PLXDC2: variants seen among roughly 807,000 people sequenced by gnomAD.
The protein encoded by PLXDC2 is plexin domain-containing protein 2.
A neutral mutation model predicts 68.9 loss-of-function variants in PLXDC2; 40 were observed. The observed-to-expected ratio is 0.58, with a 90% CI of 0.45 to 0.76. The LOEUF (loss-of-function observed/expected upper bound fraction) is 0.76. PLXDC2 is among the 30% of genes least tolerant of loss of function. The pLI is 0.00. For synonymous variants in PLXDC2, 243 were observed against 234.2 expected (o/e 1.04, Z -0.34); for missense variants, 644 against 661.9 (o/e 0.97, Z 0.30).
intron 4 of PLXDC2, among the ~76,000 whole-genome samples, chr10:20,107,892 A>G (rs1203029098): frequency 1.3e-5 from 2 of 152,194 alleles, no homozygotes; most frequent in East Asian, 3.8e-4. Flanking sequence ...GGAAAAATTA[A>G]CAAATAAACC....
chr10:19,863,826 TTTTTAA>T (rs201050835), intron 1 of PLXDC2, among the ~76,000 whole-genome samples: 6,724 of 151,568 alleles, frequency 0.044, 189 homozygotes, highest in Middle Eastern at 0.11. Flanking sequence ...ATTCAAAAAT[TTTTTAA>T]TATCAGAGGG....
chr10:20,142,438 A>G (rs1344929889), intron 4 of PLXDC2, among the ~76,000 whole-genome samples: 2 of 152,084 alleles, frequency 1.3e-5, no homozygotes, highest in Non-Finnish European at 2.9e-5. Flanking sequence ...TCAGACAGCT[A>G]AAGACCTTGA....
chr10:20,068,522 G>C (rs1215639105), intron 4 of PLXDC2, among the ~76,000 whole-genome samples: 2 of 151,026 alleles, frequency 1.3e-5, no homozygotes, highest in Non-Finnish European at 3.0e-5. Flanking sequence ...CCAAATGGCA[G>C]AAATTGGAAT....
intron 1 of PLXDC2, among the ~76,000 whole-genome samples, chr10:19,944,849 G>A (rs543148857): frequency 1.1e-3 from 171 of 152,330 alleles, no homozygotes; most frequent in Admixed American, 2.6e-3. Context: ...CCACTCGGGA[G>A]GCTGAGGCAG....
At position 20,274,662 on chromosome 10, in the gene PLXDC2, A is replaced by T. The variant is rs116393903; in HGVS notation, c.1474-5041A>T. Among the ~76,000 whole-genome samples, 1,386 of 152,200 alleles carry T rather than the reference A, an allele frequency of 9.1e-3. 16 individuals are homozygous for T. The highest frequency in any genetic ancestry group is 0.032 in the African/African-American group (1,318 of 41,520). On this transcript the variant is annotated intron_variant, in intron 13 of 13. Coordinates refer to ENST00000377252, the MANE Select transcript of PLXDC2 (RefSeq NM_032812.9). ...GCTCCTGCTTGGAATTCTCAACCAC[A>T]CCAGAAGACCAACAGATCAATTTGA...
At chr10:20,258,623 T>A (rs1835772463) in intron 13 of PLXDC2, among the ~76,000 whole-genome samples, 1 of 152,156 alleles carries the variant, frequency 6.6e-6, no homozygotes, top group South Asian at 2.1e-4. Flanking sequence ...TAGCAAAGAC[T>A]TTGTTTAAGT....
chr10:20,203,346 A>C (rs1354560466), intron 9 of PLXDC2, among the ~76,000 whole-genome samples: 1 of 149,900 alleles, frequency 6.7e-6, no homozygotes, highest in Non-Finnish European at 1.5e-5. Flanking sequence ...GCTGGGGTGC[A>C]GTGGTATGAT....
intron 2 of PLXDC2, among the ~76,000 whole-genome samples, chr10:20,040,085 T>G (rs930714306): frequency 6.6e-6 from 1 of 152,130 alleles, no homozygotes; most frequent in African/African-American, 2.4e-5. Flanking sequence ...GTGCGCCCCT[T>G]CCTCATTAAC....
At chr10:20,125,635 A>G (rs11011813) in intron 4 of PLXDC2, among the ~76,000 whole-genome samples, 38,336 of 152,114 alleles carry the variant, frequency 0.25, 5,485 homozygotes, top group East Asian at 0.49. Flanking sequence ...CAATGCAGCT[A>G]TAGAGAGAGC....
intron 7 of PLXDC2, among the ~76,000 whole-genome samples, chr10:20,169,597 T>C (rs1247193904): frequency 3.3e-5 from 5 of 152,160 alleles, no homozygotes; most frequent in Admixed American, 3.3e-4. Context: ...ACATTTTGAA[T>C]TTCAATCATC....
Position 19,921,241 on chromosome 10 carries a change from A to T in PLXDC2, c.113-80534A>T, listed in dbSNP as rs73601650. ...AGGACTTTGGTTTCATAATTTTAAA[A>T]GTATCACTTAGAATGTGACCTACAA... On this transcript the variant is annotated intron_variant, in intron 1 of 13. Coordinates refer to ENST00000377252, the MANE Select transcript of PLXDC2 (RefSeq NM_032812.9). Among the ~76,000 whole-genome samples, 762 of 152,270 alleles carry T rather than the reference A, an allele frequency of 5.0e-3. 3 individuals are homozygous for T. Among genetic ancestry groups the T allele is most frequent in the African/African-American group, 0.017 (720 of 41,564 alleles).
At chr10:20,007,429 A>G (rs1835044447) in intron 2 of PLXDC2, among the ~76,000 whole-genome samples, 1 of 152,198 alleles carries the variant, frequency 6.6e-6, no homozygotes, top group African/African-American at 2.4e-5. Flanking sequence ...GGTTTTGAAC[A>G]CTTATTCACA....
At chr10:20,154,700 C>T (rs1214572131) in intron 6 of PLXDC2, among the ~76,000 whole-genome samples, 3 of 151,982 alleles carry the variant, frequency 2.0e-5, no homozygotes, top group East Asian at 1.9e-4. Context: ...TCTCTATTCT[C>T]TTGATATACT....
intron 2 of PLXDC2, among the ~76,000 whole-genome samples, chr10:20,013,812 C>A (rs989094809): frequency 1.6e-4 from 25 of 152,146 alleles, no homozygotes; most frequent in African/African-American, 6.0e-4. Flanking sequence ...AATGACTTAT[C>A]TTCCTCTGTC....
intron 2 of PLXDC2, among the ~76,000 whole-genome samples, chr10:20,038,881 A>G (rs1033628790): frequency 5.9e-5 from 9 of 152,158 alleles, no homozygotes; most frequent in Middle Eastern, 3.2e-3. Flanking sequence ...ATTGCTTTCA[A>G]TGAGGTCTGT....
intron 1 of PLXDC2, among the ~76,000 whole-genome samples, chr10:19,974,597 T>C (rs1486730208): frequency 6.6e-6 from 1 of 152,118 alleles, no homozygotes; most frequent in Non-Finnish European, 1.5e-5. Flanking sequence ...AAGAAACAGA[T>C]GAGTATACAA....
intron 1 of PLXDC2, among the ~76,000 whole-genome samples, chr10:19,883,892 T>TTTTC: frequency 1.1e-5 from 1 of 90,762 alleles, no homozygotes; most frequent in Non-Finnish European, 2.2e-5. Context: ...AACTTTTTTT[T>TTTTC]TTTTTTTTTT....
chr10:20,146,615 T>C (rs1834085332), intron 5 of PLXDC2, among the ~76,000 whole-genome samples: 1 of 146,284 alleles, frequency 6.8e-6, no homozygotes, highest in Non-Finnish European at 1.5e-5. Flanking sequence ...ACAGCAGTGA[T>C]AATGGCTAAA....
At chr10:20,084,892 A>T (rs1164623203) in intron 4 of PLXDC2, among the ~76,000 whole-genome samples, 6 of 152,062 alleles carry the variant, frequency 3.9e-5, no homozygotes, top group Admixed American at 3.9e-4. Context: ...AAAAAAAAAA[A>T]AAATAACATG....
Sources: allele counts gnomAD v4.1 joint callset (sites outside exome capture counted in the v4.1 genomes callset), GRCh38; gene constraint gnomAD v4.1.1; transcripts MANE v1.5; gene names NCBI Gene and HGNC (gene_info 2026-07-23, HGNC 2026-07-21).